Variants in NALF1 observed in about 807,000 individuals in gnomAD.
NALF1 encodes NALCN channel auxiliary factor 1, also known as family with sequence similarity 155 member A.
Under a neutral mutation model 48.4 loss-of-function variants are expected in NALF1, and 3 were observed. The ratio of observed to expected loss-of-function variants is 0.06; its 90% CI spans 0.03 to 0.16. NALF1 has a LOEUF of 0.16. Ranked by LOEUF, NALF1 falls within the 10% of genes least tolerant of loss-of-function variation. NALF1 has a pLI of 1.00. For missense variants in NALF1, 526 were observed against 571.5 expected, an observed-to-expected ratio of 0.92 and a Z score of 0.81; for synonymous variants, 262 against 245.7, an observed-to-expected ratio of 1.07 and a Z score of -0.62.
intron 1 of NALF1, among the ~76,000 whole-genome samples, chr13:107,381,909 T>C (rs1000330457): frequency 6.6e-6 from 1 of 152,190 alleles, no homozygotes; most frequent in Non-Finnish European, 1.5e-5. Flanking sequence ...CTGCCACTAC[T>C]GGCTGCTCCT....
intron 1 of NALF1, among the ~76,000 whole-genome samples, chr13:107,544,269 G>GA (rs1274195568): frequency 6.6e-6 from 1 of 152,056 alleles, no homozygotes; most frequent in Non-Finnish European, 1.5e-5. Flanking sequence ...CTAGGATACC[G>GA]AAAGAAAATA....
rs116750919 is a variant in NALF1 at position 107,767,222 on chromosome 13, T to C, written c.915+98460A>G. Among the ~76,000 whole-genome samples the C allele has an allele frequency of 1.4e-3, 213 of 152,338 alleles. 1 individual carries two copies. Among genetic ancestry groups the C allele is most frequent in the African/African-American group, 4.9e-3 (205 of 41,564 alleles). On this transcript the variant is annotated intron_variant, in intron 1 of 2. Transcript: ENST00000375915. ...TTGAAATCTACAACATGTGACCTTT[T>C]AGGAGTTTTTCTAAAGTTAAAGTCA...
chr13:107,663,240 CTT>C (rs2138478932), intron 1 of NALF1, among the ~76,000 whole-genome samples: 1 of 152,288 alleles, frequency 6.6e-6, no homozygotes, highest in South Asian at 2.1e-4. Flanking sequence ...TCCAGTGACT[CTT>C]TTCATAACAG....
chr13:107,401,346 T>A (rs528754926), intron 1 of NALF1, among the ~76,000 whole-genome samples: 1 of 152,264 alleles, frequency 6.6e-6, no homozygotes, highest in South Asian at 2.1e-4. Flanking sequence ...TTGGGGTATA[T>A]CCTCCCCTCA....
chr13:107,840,390 G>C (rs533307215), intron 1 of NALF1, among the ~76,000 whole-genome samples: 1 of 152,352 alleles, frequency 6.6e-6, no homozygotes, highest in African/African-American at 2.4e-5. Flanking sequence ...TGGTTTAGGA[G>C]ACCCAGATAT....
intron 1 of NALF1, among the ~76,000 whole-genome samples, chr13:107,236,919 T>G (rs1880362464): frequency 6.6e-6 from 1 of 152,148 alleles, no homozygotes; most frequent in Non-Finnish European, 1.5e-5. Context: ...TACATCATAT[T>G]GAGTATTATA....
chr13:107,422,696 C>T (rs1206781328), intron 1 of NALF1, among the ~76,000 whole-genome samples: 1 of 152,110 alleles, frequency 6.6e-6, no homozygotes, highest in East Asian at 1.9e-4. Flanking sequence ...AGACAGCTTA[C>T]ATGGCAAATG....
intron 1 of NALF1, among the ~76,000 whole-genome samples, chr13:107,271,819 T>TTATTTATTC (rs1440999209): frequency 1.5e-5 from 2 of 137,382 alleles, no homozygotes; most frequent in African/African-American, 5.5e-5. Context: ...TATATATATT[T>TTATTTATTC]ATATATTTAT....
At chr13:107,321,219 G>A (rs1489659670) in intron 1 of NALF1, among the ~76,000 whole-genome samples, 1 of 152,050 alleles carries the variant, frequency 6.6e-6, no homozygotes, top group Non-Finnish European at 1.5e-5. Context: ...CTAATGATGG[G>A]CCTTTAAATT....
chr13:107,465,039 T>C (rs1884978976), intron 1 of NALF1, among the ~76,000 whole-genome samples: 1 of 152,154 alleles, frequency 6.6e-6, no homozygotes, highest in South Asian at 2.1e-4. Context: ...GCATTTTTTA[T>C]TAACTTTACA....
chr13:107,725,985 G>A (rs1372645763), intron 1 of NALF1, among the ~76,000 whole-genome samples: 2 of 151,992 alleles, frequency 1.3e-5, no homozygotes, highest in Admixed American at 6.6e-5. Flanking sequence ...GACATTTTTC[G>A]CTTTCTGTGA....
chr13:107,321,214 G>C lies in NALF1; in HGVS notation c.916-110459C>G, dbSNP rs188678590. On this transcript the variant is annotated intron_variant, in intron 1 of 2. Coordinates refer to ENST00000375915, the MANE Select transcript of NALF1 (RefSeq NM_001080396.3). ...TCCCATCAATATTAAACATCCTAATGATGGGCCTTTAAATTTGAAAAGTGG... is the reference window on the plus strand; with the variant it reads ...TCCCATCAATATTAAACATCCTAATCATGGGCCTTTAAATTTGAAAAGTGG... Among the ~76,000 whole-genome samples the C allele has an allele frequency of 1.9e-3, 293 of 152,198 alleles. 1 individual carries two copies. Among genetic ancestry groups the C allele is most frequent in the African/African-American group, 6.4e-3 (267 of 41,536 alleles).
chr13:107,227,920 G>A (rs1880137954), intron 1 of NALF1, among the ~76,000 whole-genome samples: 1 of 152,052 alleles, frequency 6.6e-6, no homozygotes, highest in African/African-American at 2.4e-5. Flanking sequence ...TAATAAAGTC[G>A]GCAAAGAGCA....
intron 1 of NALF1, among the ~76,000 whole-genome samples, chr13:107,662,102 C>T (rs1289544465): frequency 6.6e-6 from 1 of 152,214 alleles, no homozygotes; most frequent in Non-Finnish European, 1.5e-5. Context: ...AAAATCAAAT[C>T]CTTCCTCTTG....
chr13:107,693,407 C>T (rs1881617869), intron 1 of NALF1, among the ~76,000 whole-genome samples: 1 of 151,708 alleles, frequency 6.6e-6, no homozygotes, highest in African/African-American at 2.4e-5. Context: ...ACCAACATGG[C>T]GCATGTATAC....
At chr13:107,777,275 A>G (rs902255654) in intron 1 of NALF1, among the ~76,000 whole-genome samples, 1 of 152,180 alleles carries the variant, frequency 6.6e-6, no homozygotes, top group African/African-American at 2.4e-5. Context: ...GATTTGCCCC[A>G]AACAGACAAC....
chr13:107,759,322 C>G (rs112137308), intron 1 of NALF1, among the ~76,000 whole-genome samples: 3,402 of 152,220 alleles, frequency 0.022, 116 homozygotes, highest in African/African-American at 0.077. Context: ...AATTCTCCTG[C>G]CTCAGCCTCC....
At chr13:107,447,437 C>T (rs1041378034) in intron 1 of NALF1, among the ~76,000 whole-genome samples, 2 of 152,110 alleles carry the variant, frequency 1.3e-5, no homozygotes, top group African/African-American at 2.4e-5. Flanking sequence ...CCATAAGATG[C>T]TCATTTCTTT....
intron 1 of NALF1, among the ~76,000 whole-genome samples, chr13:107,434,898 C>G (rs1264967773): frequency 6.6e-6 from 1 of 152,144 alleles, no homozygotes; most frequent in Non-Finnish European, 1.5e-5. Context: ...TACACACACC[C>G]TGACGTGGCA....
Sources: gnomAD v4.1 joint callset for allele counts (sites outside exome capture counted in the v4.1 genomes callset) on GRCh38, gnomAD v4.1.1 for gene constraint, MANE v1.5 for transcripts, NCBI Gene and HGNC (gene_info 2026-07-23, HGNC 2026-07-21) for gene names.